Variants in PRMT3 observed in about 807,000 individuals in gnomAD.
PRMT3 encodes protein arginine methyltransferase 3.
In PRMT3, 62 loss-of-function variants were observed where a neutral mutation model predicts 71.9. The ratio of observed to expected loss-of-function variants is 0.86; its 90% confidence interval spans 0.70 to 1.07. The LOEUF is 1.07. Among genes scored for constraint, PRMT3 ranks in the 50% least tolerant of loss-of-function variants. The probability of loss-of-function intolerance (pLI) is 0.00; values close to 1 mark genes in which losing one functional copy is unlikely to be tolerated. For missense variants in PRMT3, 663 were observed against 643.0 expected (o/e 1.03, Z -0.34); for synonymous variants, 213 against 220.4 (o/e 0.97, Z 0.30).
At chr11:20,454,527 A>G (rs1472937517) in intron 11 of PRMT3, among the ~76,000 whole-genome samples, 1 of 152,118 alleles carries the variant, frequency 6.6e-6, no homozygotes, top group African/African-American at 2.4e-5. Context: ...TCAGCATTTA[A>G]CTCCTTAAGC....
chr11:20,436,741 T>C (rs909307399), intron 10 of PRMT3, among the ~76,000 whole-genome samples: 5 of 146,956 alleles, frequency 3.4e-5, no homozygotes, highest in Non-Finnish European at 7.5e-5. Flanking sequence ...CTGCAGTTTG[T>C]TTTTTTTTTT....
At chr11:20,402,844 G>A in intron 7 of PRMT3, 75 bp from the exon 8 acceptor site, 1 of 1,168,880 alleles carries the variant, frequency 8.6e-7, no homozygotes, top group Non-Finnish European at 1.3e-6. Flanking sequence ...GTGTTAATAT[G>A]GCAAATATCT....
intron 13 of PRMT3, among the ~76,000 whole-genome samples, chr11:20,468,150 G>A (rs1470750467): frequency 6.6e-6 from 1 of 152,162 alleles, no homozygotes; most frequent in East Asian, 1.9e-4. Context: ...AAAGTAACTG[G>A]GGAATAAGAG....
chr11:20,494,226 A>G lies in PRMT3; in HGVS notation c.1458A>G (p.Leu486=), dbSNP rs1851280918. 1 of 1,608,188 alleles carries G rather than the reference A, an allele frequency of 6.2e-7. No individual in the cohort carries two copies. Among genetic ancestry groups the G allele is most frequent in the Non-Finnish European group, 8.5e-7 (1 of 1,174,682 alleles). The change falls in exon 15 of 16, where the codon CTA becomes CTG. Residue 486 remains leucine (L), a synonymous_variant. Transcript: ENST00000331079. ...TKTHWKQTVF[L]LEKPFSVKAG... ...CACACTGGAAACAAACAGTATTTCT[A>G]CTGGAAAAACCATTTTCAGTTAAAG...
intron 9 of PRMT3, among the ~76,000 whole-genome samples, chr11:20,417,993 T>C (rs1300760256): frequency 6.6e-6 from 1 of 152,196 alleles, no homozygotes; most frequent in Non-Finnish European, 1.5e-5. Flanking sequence ...GACTGTGTCT[T>C]TTATCTCTGT....
At chr11:20,482,074 C>T (rs1850950135) in intron 13 of PRMT3, among the ~76,000 whole-genome samples, 1 of 152,044 alleles carries the variant, frequency 6.6e-6, no homozygotes, top group Admixed American at 6.6e-5. Flanking sequence ...ATGCAAAAGT[C>T]CACAAAATGA....
intron 10 of PRMT3, among the ~76,000 whole-genome samples, chr11:20,440,368 G>T (rs776241333): frequency 1.3e-5 from 2 of 151,962 alleles, no homozygotes; most frequent in Non-Finnish European, 2.9e-5. Flanking sequence ...AAAAGAGGCC[G>T]GGTGTGGTGG....
rs150974613 is a variant in PRMT3, at chr11:20,486,814, C to T, written c.1348-7105C>T. Among the ~76,000 whole-genome samples the T allele has an allele frequency of 5.8e-3, 875 of 152,130 alleles. 5 individuals carry two copies. Among genetic ancestry groups the T allele is most frequent in the African/African-American group, 0.02 (813 of 41,548 alleles). The stretch of plus-strand genomic sequence containing the variant: ...GCTCATGCCTGTAATCCCAGCACTT[C>T]GGCAGGGCGAAGCAGGCAGGTGGCT... On this transcript the variant is annotated intron_variant, in intron 13 of 15. Transcript: ENST00000331079.
intron 11 of PRMT3, among the ~76,000 whole-genome samples, chr11:20,458,023 C>T (rs986631645): frequency 1.3e-5 from 2 of 152,040 alleles, no homozygotes; most frequent in Non-Finnish European, 2.9e-5. Context: ...ATAAATATTA[C>T]TTTTTAAAGA....
At position 20,387,998 on chromosome 11, in the gene PRMT3, A is replaced by G; in HGVS notation, c.29-21A>G. 1.9e-6 allele frequency: 3 copies of G among 1,613,444 alleles called. No individual in the cohort carries two copies. Among genetic ancestry groups the G allele is most frequent in the Non-Finnish European group, 2.5e-6 (3 of 1,179,868 alleles). On this transcript the variant is annotated intron_variant, in intron 1 of 15. Coordinates refer to ENST00000331079, the MANE Select transcript of PRMT3 (RefSeq NM_005788.4). The surrounding 1 kb of genome is among the most constrained non-coding windows in gnomAD (Gnocchi z 4.3). Reference sequence around the variant, plus strand: ...CGCACCGGTGTCCGAGGCCGATCTGATTGTTGTGTGTGTGTGTTAGGCGGC... The same window carrying G: ...CGCACCGGTGTCCGAGGCCGATCTGGTTGTTGTGTGTGTGTGTTAGGCGGC...
intron 9 of PRMT3, among the ~76,000 whole-genome samples, chr11:20,421,485 CT>C (rs1849423849): frequency 6.6e-6 from 1 of 152,168 alleles, no homozygotes; most frequent in Non-Finnish European, 1.5e-5. Context: ...TCCCCACTAC[CT>C]TCTGACCTTG....
intron 15 of PRMT3, among the ~76,000 whole-genome samples, chr11:20,506,981 T>C (rs1438775654): frequency 4.6e-5 from 7 of 152,206 alleles, no homozygotes; most frequent in Non-Finnish European, 7.3e-5. Flanking sequence ...CATGGGTACA[T>C]TGTTTCCCTT....
At chr11:20,460,658 C>T (rs1011239441) in intron 11 of PRMT3, among the ~76,000 whole-genome samples, 1 of 151,624 alleles carries the variant, frequency 6.6e-6, no homozygotes. Flanking sequence ...TATTCAGCTA[C>T]ATTTCAGACA....
intron 9 of PRMT3, among the ~76,000 whole-genome samples, chr11:20,412,241 A>G (rs750035108): frequency 8.5e-5 from 13 of 152,246 alleles, no homozygotes; most frequent in Non-Finnish European, 1.8e-4. Flanking sequence ...CTAGATGGCC[A>G]TGTTTAAGAT....
chr11:20,432,076 T>C (rs1201965288), intron 10 of PRMT3, among the ~76,000 whole-genome samples: 1 of 152,110 alleles, frequency 6.6e-6, no homozygotes, highest in Non-Finnish European at 1.5e-5. Flanking sequence ...TTATAATCTA[T>C]ATTTTTGTTC....
intron 9 of PRMT3, among the ~76,000 whole-genome samples, chr11:20,424,274 A>C (rs965973387): frequency 1.6e-4 from 24 of 145,962 alleles, no homozygotes; most frequent in African/African-American, 6.0e-4. Context: ...AGGAGGTACT[A>C]TCAAATTTCT....
At chr11:20,451,486 TC>T (rs991748887) in intron 10 of PRMT3, among the ~76,000 whole-genome samples, 70 of 151,610 alleles carry the variant, frequency 4.6e-4, no homozygotes, top group African/African-American at 1.7e-3. Flanking sequence ...CCCTCCACTT[TC>T]TTTTTTGTTT....
At chr11:20,466,836 G>A (rs565386496) in intron 13 of PRMT3, among the ~76,000 whole-genome samples, 1 of 152,212 alleles carries the variant, frequency 6.6e-6, no homozygotes, top group South Asian at 2.1e-4. Context: ...TTTTAATATT[G>A]AAGAATCTAA....
At chr11:20,445,592 G>A (rs1262245287) in intron 10 of PRMT3, among the ~76,000 whole-genome samples, 3 of 152,002 alleles carry the variant, frequency 2.0e-5, no homozygotes, top group African/African-American at 2.4e-5. Flanking sequence ...CAGTAATAAC[G>A]AATAGTTATA....
Sources: gnomAD v4.1 joint callset for allele counts (sites outside exome capture counted in the v4.1 genomes callset) on GRCh38, gnomAD v4.1.1 for gene constraint, Gnocchi (gnomAD v3.1) non-coding constraint, MANE v1.5 for transcripts, NCBI Gene and HGNC (gene_info 2026-07-23, HGNC 2026-07-21) for gene names.